SDK2: variants seen among roughly 807,000 people sequenced by gnomAD.
The protein encoded by SDK2 is protein sidekick-2.
Under a neutral mutation model 253.9 loss-of-function variants are expected in SDK2, and 105 were observed. The observed-to-expected ratio is 0.41, with a 90% CI of 0.35 to 0.49. SDK2 has a LOEUF of 0.49. Ranked by LOEUF, SDK2 falls within the 20% of genes least tolerant of loss-of-function variation. The pLI, the probability that SDK2 is intolerant of heterozygous loss-of-function variation, is 0.06. For synonymous variants in SDK2, 1,249 were observed against 1,234.9 expected, an observed-to-expected ratio of 1.01 and a Z score of -0.24; for missense variants, 2,608 against 3,003.0, an observed-to-expected ratio of 0.87 and a Z score of 3.07.
At chr17:73,399,317 G>A (rs778303183) in intron 21 of SDK2, 28 bp from the exon 22 acceptor site, 1 of 1,612,964 alleles carries the variant, frequency 6.2e-7, no homozygotes, top group Non-Finnish European at 8.5e-7. Flanking sequence ...GGTGGGGAAG[G>A]AGATCCGGTG....
At chr17:73,590,359 C>T (rs752604308) in intron 1 of SDK2, among the ~76,000 whole-genome samples, 13 of 152,212 alleles carry the variant, frequency 8.5e-5, no homozygotes, top group African/African-American at 1.2e-4. Context: ...CTTCCCCTGT[C>T]GGAGATGATG....
In SDK2 at chr17:73,387,841, C is replaced by T; in HGVS notation, c.4389G>A (p.Val1463=). 1.3e-6 allele frequency: 2 copies of T among 1,575,058 alleles called. No individual in the cohort carries two copies. Among genetic ancestry groups the T allele is most frequent in the East Asian group, 2.3e-5 (1 of 42,808 alleles). The change falls in exon 30 of 45, where the codon GTG becomes GTA. Residue 1463 remains valine (V), a synonymous_variant. Transcript: ENST00000392650. ...GGCATGGACCCGAGCCTTACCTGTC[C>T]ACAATGAAGCTGGAGGCATTGTGGC... is the stretch of plus-strand genomic sequence containing the variant. ...SVSHNASSFI[V]DRLKPFTSYK...
intron 30 of SDK2, 27 bp from the exon 31 acceptor site, chr17:73,386,575 G>C (rs2062874526): frequency 1.3e-6 from 2 of 1,484,554 alleles, no homozygotes; most frequent in Admixed American, 2.0e-5. Context: ...GGGCCAATGA[G>C]CCAAGGTGCT....
At chr17:73,488,184 T>TC (rs1306882692) in intron 2 of SDK2, among the ~76,000 whole-genome samples, 1 of 151,362 alleles carries the variant, frequency 6.6e-6, no homozygotes, top group African/African-American at 2.4e-5. Flanking sequence ...CCTGGCTAAT[T>TC]TTTTGTATTT....
chr17:73,355,174 A>ATATATATATATATATATTTTTTTT, intron 40 of SDK2, among the ~76,000 whole-genome samples: 5 of 47,230 alleles, frequency 1.1e-4, no homozygotes, highest in African/African-American at 3.3e-4. Context: ...ATATATATAT[A>ATATATATATATATATATTTTTTTT]TTTTTTTTTT....
intron 3 of SDK2, among the ~76,000 whole-genome samples, chr17:73,459,384 T>C (rs1019408843): frequency 3.3e-5 from 5 of 152,198 alleles, no homozygotes; most frequent in African/African-American, 1.2e-4. Context: ...AATCTGACCC[T>C]AGACAACCTT....
In SDK2 at chr17:73,570,010, A is replaced by AGC; in HGVS notation, c.65-62414_65-62413insGC. Among the ~76,000 whole-genome samples, 1 of 152,226 alleles carries AGC rather than the reference A, an allele frequency of 6.6e-6. No homozygotes were observed. Among genetic ancestry groups the AGC allele is most frequent in the East Asian group, 1.9e-4 (1 of 5,172 alleles). On this transcript the variant is annotated intron_variant, in intron 1 of 44. Transcript: ENST00000392650. The surrounding 1 kb of genome is among the most constrained non-coding windows in gnomAD (Gnocchi z 4.2). ...GGACACGGGACACTTACTCTGGGTG[A>AGC]AGGATGAGGAGCAGGACCTCAGCGC...
At chr17:73,346,105 C>T (rs980656030) in intron 44 of SDK2, among the ~76,000 whole-genome samples, 2 of 151,536 alleles carry the variant, frequency 1.3e-5, no homozygotes, top group African/African-American at 4.9e-5. Flanking sequence ...ACTTGGGAGG[C>T]TGAGGCAGGA....
At chr17:73,345,856 C>G (rs1402891844) in intron 44 of SDK2, among the ~76,000 whole-genome samples, 1 of 152,178 alleles carries the variant, frequency 6.6e-6, no homozygotes, top group Non-Finnish European at 1.5e-5. Context: ...CTGGCTTCTA[C>G]TGAACACTTC....
intron 3 of SDK2, among the ~76,000 whole-genome samples, chr17:73,468,392 A>T (rs11654297): frequency 0.057 from 8,676 of 152,224 alleles, 310 homozygotes; most frequent in Middle Eastern, 0.082. Context: ...CATTTTAGGG[A>T]TGAAGAACCT....
intron 2 of SDK2, among the ~76,000 whole-genome samples, chr17:73,484,186 C>T (rs867793683): frequency 6.6e-6 from 1 of 152,054 alleles, no homozygotes; most frequent in Non-Finnish European, 1.5e-5. Context: ...TCCTGGCACC[C>T]GGCTGAAATT....
Position 73,472,088 on chromosome 17 carries a change from C to T in SDK2, c.331+24G>A, listed in dbSNP as rs187289233. 63 of 1,522,368 alleles carry T rather than the reference C, an allele frequency of 4.1e-5. 1 individual carries two copies. The East Asian group carries it at 7.4e-4, about 18-fold the overall frequency. 94.3% of individuals were successfully genotyped at this position (1,522,368 alleles called of 1,614,324 possible). On this transcript the variant is annotated intron_variant, in intron 3 of 44. Transcript: ENST00000392650. ...TCTGGCACCACAGTCGCCCCCCCTG[C>T]CCCTGGGTCCCCATTGTACTCACAG...
rs376714866 is a variant in SDK2 at position 73,358,075 on chromosome 17, G to A, written c.5593+4C>T. ...GGGTCTCAGCCCAGCAGGGCGGGGC[G>A]CACCTGAAGGTCTGGCCTCGATGAC... On this transcript the variant is annotated splice_donor_region_variant and intron_variant, in intron 40 of 44. Transcript: ENST00000392650. 121 of 1,612,768 alleles carry A rather than the reference G, an allele frequency of 7.5e-5. No individual in the cohort carries two copies. The highest frequency in any genetic ancestry group is 3.3e-4 in the Middle Eastern group (2 of 6,072).
At chr17:73,633,197 A>G (rs1272975410) in intron 1 of SDK2, among the ~76,000 whole-genome samples, 2 of 152,164 alleles carry the variant, frequency 1.3e-5, no homozygotes, top group African/African-American at 4.8e-5. Context: ...ATGTGGGAGG[A>G]TCGCTTGAAC....
chr17:73,447,519 C>T lies in SDK2; in HGVS notation c.613+96G>A. 1 of 1,502,596 alleles carries T rather than the reference C, an allele frequency of 6.7e-7. No individual in the cohort carries two copies. Among genetic ancestry groups the T allele is most frequent in the Middle Eastern group, 1.7e-4 (1 of 5,826 alleles). The allele number at this position is 1,502,596 out of a possible 1,614,324, so 93.1% of individuals were successfully genotyped here. On this transcript the variant is annotated intron_variant, in intron 5 of 44. Transcript: ENST00000392650. This position sits in a 1 kb window ranked among gnomAD's most constrained non-coding sequence, Gnocchi z 4.0. ...CGTCCCCTAGCTTCCCTGTCCCCCTCCTCTGCCACTCCATCTTCCCAATGA... is the reference window on the plus strand; with the variant it reads ...CGTCCCCTAGCTTCCCTGTCCCCCTTCTCTGCCACTCCATCTTCCCAATGA...
At position 73,379,357 on chromosome 17, in the gene SDK2, G is replaced by A. The variant is rs1022879289; in HGVS notation, c.4865-65C>T. ...ACCTGGGAGGGGAGGTGGGCTGGGCGGGATGGGGAGCCCAGATCCCGTTTC... is the reference window on the plus strand; with the variant it reads ...ACCTGGGAGGGGAGGTGGGCTGGGCAGGATGGGGAGCCCAGATCCCGTTTC... On this transcript the variant is annotated intron_variant, in intron 35 of 44. Transcript: ENST00000392650. The surrounding 1 kb of genome is among the most constrained non-coding windows in gnomAD (Gnocchi z 4.5). 1.4e-5 allele frequency: 21 copies of A among 1,456,532 alleles called. No homozygotes were observed. In the East Asian group the frequency reaches 2.2e-4, roughly 15 times the overall value. 90.2% of individuals were successfully genotyped at this position (1,456,532 alleles called of 1,614,324 possible). A position where few individuals can be genotyped will look rare whatever the true frequency, so the allele number is the denominator to read the frequency against.
chr17:73,456,450 G>A (rs1047651000), intron 3 of SDK2, among the ~76,000 whole-genome samples: 1 of 152,168 alleles, frequency 6.6e-6, no homozygotes, highest in Non-Finnish European at 1.5e-5. Context: ...AGGCTATGTA[G>A]CTCCTCCTCC....
intron 1 of SDK2, among the ~76,000 whole-genome samples, chr17:73,536,886 C>G (rs906879748): frequency 1.5e-4 from 23 of 152,214 alleles, no homozygotes; most frequent in African/African-American, 4.3e-4. Context: ...TCCTGAGTAA[C>G]TAATCCCCCT....
intron 4 of SDK2, among the ~76,000 whole-genome samples, chr17:73,448,993 G>C (rs1282858400): frequency 1.3e-5 from 2 of 152,196 alleles, no homozygotes; most frequent in Non-Finnish European, 2.9e-5. Flanking sequence ...TCATAACCAA[G>C]AGTGGGACTA....
Sources: gnomAD v4.1 joint callset for allele counts (sites outside exome capture counted in the v4.1 genomes callset) on GRCh38, gnomAD v4.1.1 for gene constraint, Gnocchi (gnomAD v3.1) non-coding constraint, MANE v1.5 for transcripts, NCBI Gene and HGNC (gene_info 2026-07-23, HGNC 2026-07-21) for gene names.